Variants in COL23A1 observed in about 807,000 individuals in gnomAD.
The protein encoded by COL23A1 is collagen alpha-1(XXIII) chain.
COL23A1 carries 97 observed loss-of-function variants against 99.3 expected under a neutral mutation model. That is an observed-to-expected ratio of 0.98 (90% CI 0.83 to 1.16). The LOEUF is 1.16. Ranked by LOEUF, COL23A1 falls within the 50% of genes most tolerant of loss-of-function variation. COL23A1 has a pLI of 0.00. For missense variants in COL23A1, 762 were observed against 757.4 expected (o/e 1.01, Z -0.07); for synonymous variants, 320 against 308.2 (o/e 1.04, Z -0.40).
chr5:178,517,565 T>TTTTTTTTC (rs57447640), intron 2 of COL23A1, among the ~76,000 whole-genome samples: 3 of 112,566 alleles, frequency 2.7e-5, no homozygotes, highest in African/African-American at 7.0e-5. Context: ...CAGTTTTTTT[T>TTTTTTTTC]TTGTTTTTTT....
At position 178,242,042 on chromosome 5, in the gene COL23A1, C is replaced by T. The variant is rs1764428934; in HGVS notation, c.1581G>A (p.Val527=). ...GGCAGGGCCCTCCTCCGACACCTAC[C>T]ACGGGACACGGCTGGTCCAGGCCTG... is the stretch of plus-strand genomic sequence containing the variant. The part of the protein sequence containing the change: ...GPPGLDQPCP[V]GPDGLPVPGC... Residue 527 remains valine, a splice_region_variant and synonymous_variant, in exon 27 of 29, where the codon GTG becomes GTA. Transcript: ENST00000390654. The T allele has an allele frequency of 6.4e-7, 1 of 1,553,644 alleles. No individual in the cohort carries two copies. The highest frequency in any genetic ancestry group is 8.7e-7 in the Non-Finnish European group (1 of 1,147,860).
chr5:178,443,030 G>A (rs546310766), intron 2 of COL23A1: 1 of 152,338 alleles, frequency 6.6e-6, no homozygotes, highest in East Asian at 1.9e-4. Context: ...GAAGCAGCTT[G>A]TGCATCTGTG....
intron 3 of COL23A1, among the ~76,000 whole-genome samples, chr5:178,296,503 G>T (rs1432193749): frequency 2.0e-5 from 3 of 152,190 alleles, no homozygotes; most frequent in African/African-American, 7.2e-5. Context: ...CCACGCAGGG[G>T]CTGCTGGGAA....
chr5:178,274,841 C>T (rs1368132384), intron 5 of COL23A1, among the ~76,000 whole-genome samples: 3 of 152,196 alleles, frequency 2.0e-5, no homozygotes, highest in Non-Finnish European at 2.9e-5. Flanking sequence ...CTGTCCAGCT[C>T]GCTCCCCTGC....
At chr5:178,477,434 G>A (rs2127946423) in intron 2 of COL23A1, among the ~76,000 whole-genome samples, 1 of 152,300 alleles carries the variant, frequency 6.6e-6, no homozygotes, top group Middle Eastern at 3.4e-3. Context: ...AGTCACCAAT[G>A]TAACCCAGCA....
chr5:178,493,526 T>C (rs1290365731), intron 2 of COL23A1, among the ~76,000 whole-genome samples: 1 of 152,244 alleles, frequency 6.6e-6, no homozygotes, highest in Non-Finnish European at 1.5e-5. Context: ...ACTCTGCACA[T>C]GACACTCACA....
At chr5:178,437,068 T>C (rs903448224) in intron 2 of COL23A1, among the ~76,000 whole-genome samples, 2 of 152,284 alleles carry the variant, frequency 1.3e-5, no homozygotes, top group South Asian at 2.1e-4. Context: ...ATATTCTTAA[T>C]ACCCTGCCCT....
chr5:178,290,929 G>A (rs1757422486), intron 3 of COL23A1, among the ~76,000 whole-genome samples: 1 of 152,200 alleles, frequency 6.6e-6, no homozygotes, highest in South Asian at 2.1e-4. Context: ...GAACCCTTAT[G>A]AGGCCCACAG....
chr5:178,345,038 C>A, intron 2 of COL23A1: 2 of 582,948 alleles, frequency 3.4e-6, no homozygotes, highest in Non-Finnish European at 6.7e-6. Context: ...ACCTGGAGAT[C>A]TCCAGAGTCA....
At chr5:178,276,055 C>T (rs752496532) in intron 5 of COL23A1, among the ~76,000 whole-genome samples, 3 of 152,200 alleles carry the variant, frequency 2.0e-5, no homozygotes, top group East Asian at 1.9e-4. Flanking sequence ...GTCCTATAAC[C>T]GTGTGGCTAC....
At chr5:178,392,691 C>T (rs1764030810) in intron 2 of COL23A1, among the ~76,000 whole-genome samples, 1 of 152,202 alleles carries the variant, frequency 6.6e-6, no homozygotes, top group African/African-American at 2.4e-5. Context: ...TATCACGCTA[C>T]CCCATGGCCG....
chr5:178,418,913 AC>A (rs1249030897), intron 2 of COL23A1, among the ~76,000 whole-genome samples: 1 of 151,744 alleles, frequency 6.6e-6, no homozygotes, highest in East Asian at 1.9e-4. Context: ...TACTGTCACC[AC>A]CCCCAGCCTG....
At chr5:178,334,708 G>A (rs1303560467) in intron 2 of COL23A1, among the ~76,000 whole-genome samples, 2 of 152,140 alleles carry the variant, frequency 1.3e-5, no homozygotes, top group Admixed American at 6.5e-5. Flanking sequence ...TAAAGACAGC[G>A]ACACGAACCC....
intron 2 of COL23A1, among the ~76,000 whole-genome samples, chr5:178,492,934 C>T (rs1252520162): frequency 6.6e-6 from 1 of 152,168 alleles, no homozygotes; most frequent in South Asian, 2.1e-4. Context: ...ACTTACCTCA[C>T]AGGGTATGGA....
intron 1 of COL23A1, among the ~76,000 whole-genome samples, chr5:178,573,703 T>A (rs1763216485): frequency 6.6e-6 from 1 of 152,200 alleles, no homozygotes; most frequent in Admixed American, 6.5e-5. Flanking sequence ...AAATGCTCAT[T>A]AACAGGAGAA....
chr5:178,301,641 A>C (rs985792175), intron 3 of COL23A1, among the ~76,000 whole-genome samples: 2 of 152,228 alleles, frequency 1.3e-5, no homozygotes, highest in South Asian at 2.1e-4. Context: ...CTAATTCTTT[A>C]AAGTGTGTCT....
intron 4 of COL23A1, among the ~76,000 whole-genome samples, chr5:178,288,999 A>G (rs1272155201): frequency 1.3e-5 from 2 of 152,162 alleles, no homozygotes; most frequent in African/African-American, 2.4e-5. Context: ...AAAACACTCT[A>G]TAGCCCCCGG....
At chr5:178,350,331 T>C (rs75328712) in intron 2 of COL23A1, among the ~76,000 whole-genome samples, 149 of 152,290 alleles carry the variant, frequency 9.8e-4, no homozygotes, top group African/African-American at 3.5e-3. Flanking sequence ...CTGACAGCTC[T>C]TTTAGGGTCC....
chr5:178,418,173 T>C (rs1337819747), intron 2 of COL23A1, among the ~76,000 whole-genome samples: 1 of 152,226 alleles, frequency 6.6e-6, no homozygotes, highest in African/African-American at 2.4e-5. Flanking sequence ...TCATAATGTG[T>C]AAAATGTGAT....
Sources: gnomAD v4.1 joint callset for allele counts (sites outside exome capture counted in the v4.1 genomes callset) on GRCh38, gnomAD v4.1.1 for gene constraint, MANE v1.5 for transcripts, NCBI Gene and HGNC (gene_info 2026-07-23, HGNC 2026-07-21) for gene names.